Variants in TBCD observed in about 807,000 individuals in gnomAD.
The protein encoded by TBCD is tubulin folding cofactor D.
In TBCD, 105 loss-of-function variants were observed where a neutral mutation model predicts 169.3. The ratio of observed to expected loss-of-function variants is 0.62; its 90% CI spans 0.53 to 0.73. TBCD has a LOEUF of 0.73. TBCD is among the 30% of genes least tolerant of loss of function. The pLI, the probability that TBCD is intolerant of heterozygous loss-of-function variation, is 0.00. For synonymous variants in TBCD, 700 were observed against 643.9 expected (o/e 1.09, Z -1.32); for missense variants, 1,444 against 1,600.1 (o/e 0.90, Z 1.66).
At chr17:82,936,333 G>T (rs1167843384) in intron 34 of TBCD, among the ~76,000 whole-genome samples, 1 of 152,176 alleles carries the variant, frequency 6.6e-6, no homozygotes, top group African/African-American at 2.4e-5. Flanking sequence ...TTTGTCTCGC[G>T]TGTTTCCACG....
At chr17:82,879,348 G>T (rs937331457) in intron 14 of TBCD, among the ~76,000 whole-genome samples, 4 of 151,926 alleles carry the variant, frequency 2.6e-5, no homozygotes, top group Admixed American at 2.6e-4. Flanking sequence ...CTCCCTTCGT[G>T]TGCCGCTTCT....
chr17:82,820,198 G>GAACTCCTGACCTCA (rs2052299114), intron 13 of TBCD, among the ~76,000 whole-genome samples: 1 of 152,184 alleles, frequency 6.6e-6, no homozygotes, highest in African/African-American at 2.4e-5. Flanking sequence ...GGCTGGTCTC[G>GAACTCCTGACCTCA]AACTCCTGAC....
At chr17:82,821,998 T>A (rs1234148430) in intron 13 of TBCD, among the ~76,000 whole-genome samples, 1 of 152,252 alleles carries the variant, frequency 6.6e-6, no homozygotes, top group African/African-American at 2.4e-5. Flanking sequence ...CTCTCAGTGT[T>A]CATCGAAGAC....
chr17:82,891,669 T>A (rs1209183204), intron 16 of TBCD, among the ~76,000 whole-genome samples: 1 of 151,980 alleles, frequency 6.6e-6, no homozygotes, highest in Non-Finnish European at 1.5e-5. Flanking sequence ...AATACACAGA[T>A]TTGGAATGAA....
chr17:82,783,591 CAG>C (rs2144335713), intron 7 of TBCD, among the ~76,000 whole-genome samples: 1 of 152,312 alleles, frequency 6.6e-6, no homozygotes, highest in South Asian at 2.1e-4. Flanking sequence ...CTCACCTCAC[CAG>C]AGTCGTACAC....
chr17:82,940,349 C>T (rs1291962602), intron 37 of TBCD, among the ~76,000 whole-genome samples: 1 of 152,126 alleles, frequency 6.6e-6, no homozygotes, highest in African/African-American at 2.4e-5. Context: ...TGGTGGAGTC[C>T]CAGGTGTCCT....
In TBCD at chr17:82,874,866, C is replaced by T. The variant is rs549740381; in HGVS notation, c.1475+4486C>T. ...GCTTTTATGCCCGTCAATTTGGGAA[C>T]GTGATACAATCTTGATTTCTCTAAC... On this transcript the variant is annotated intron_variant, in intron 14 of 38. Transcript: ENST00000355528. The surrounding 1 kb of genome is among the most constrained non-coding windows in gnomAD (Gnocchi z 5.0). Among the ~76,000 whole-genome samples the T allele has an allele frequency of 1.3e-4, 20 of 152,304 alleles. No individual in the cohort carries two copies. In the South Asian group the frequency reaches 1.5e-3, roughly 11 times the overall value.
chr17:82,762,394 C>T (rs2047811981), intron 2 of TBCD, among the ~76,000 whole-genome samples: 1 of 148,696 alleles, frequency 6.7e-6, no homozygotes, highest in Admixed American at 6.7e-5. Context: ...GTTTTATTTT[C>T]TCTTGGGAAA....
chr17:82,870,772 G>A (rs889207137), intron 14 of TBCD, among the ~76,000 whole-genome samples: 3 of 152,274 alleles, frequency 2.0e-5, no homozygotes. Context: ...AATCGCCTGT[G>A]CGTGCTCCCT....
chr17:82,927,881 C>T (rs775494238), intron 29 of TBCD, 24 bp from the exon 30 acceptor site: 10 of 1,608,902 alleles, frequency 6.2e-6, no homozygotes, highest in Non-Finnish European at 8.5e-6. Context: ...AGCTGGGTGT[C>T]TCTGCCTCTC....
intron 19 of TBCD, among the ~76,000 whole-genome samples, chr17:82,904,650 T>TC (rs2146761775): frequency 6.6e-6 from 1 of 152,250 alleles, no homozygotes; most frequent in African/African-American, 2.4e-5. Context: ...GTACCGTCAC[T>TC]CCCCCGACAT....
chr17:82,936,026 G>T (rs950295331), intron 34 of TBCD, among the ~76,000 whole-genome samples: 2 of 152,224 alleles, frequency 1.3e-5, no homozygotes, highest in Non-Finnish European at 2.9e-5. Flanking sequence ...CCTTGCTTCT[G>T]TTGTTGCTTT....
In TBCD at chr17:82,923,979, C is replaced by G. The variant is rs990384958; in HGVS notation, c.2260+246C>G. On this transcript the variant is annotated intron_variant, in intron 26 of 38. Transcript: ENST00000355528. This position sits in a 1 kb window ranked among gnomAD's most constrained non-coding sequence, Gnocchi z 4.6. ...CAGGGACGCGTCTCTGTTGACGGCACCCTCTTGCTCCATCACCCAGGCTGG... is the reference window on the plus strand; with the variant it reads ...CAGGGACGCGTCTCTGTTGACGGCAGCCTCTTGCTCCATCACCCAGGCTGG... 1.3e-5 allele frequency among the ~76,000 whole-genome samples: 2 copies of G among 152,108 alleles called. No individual in the cohort carries two copies. The highest frequency in any genetic ancestry group is 2.9e-5 in the Non-Finnish European group (2 of 68,018).
chr17:82,917,019 C>CTTTTTTTTTTTTTTTTTTTTTTTTTT lies in TBCD; in HGVS notation c.2039-3533_2039-3532insTTTTTTTTTTTTTTTTTTTTTTTTTT, dbSNP rs59331670. On this transcript the variant is annotated intron_variant, in intron 23 of 38. Coordinates refer to ENST00000355528, the MANE Select transcript of TBCD (RefSeq NM_005993.5). ...CAGTTTGGACTTTTTTTTTTCTTTT[C>CTTTTTTTTTTTTTTTTTTTTTTTTTT]TTTTCTTTTTTTTTTTTTTGAGTTG... Among the ~76,000 whole-genome samples the CTTTTTTTTTTTTTTTTTTTTTTTTTT allele has an allele frequency of 4.6e-5, 5 of 108,518 alleles. 1 individual carries two copies. Among genetic ancestry groups the CTTTTTTTTTTTTTTTTTTTTTTTTTT allele is most frequent in the Non-Finnish European group, 5.4e-5 (3 of 55,460 alleles). The allele number at this position is 108,518 out of a possible 152,430, so 71.2% of individuals were successfully genotyped here. A position where few individuals can be genotyped will look rare whatever the true frequency, so the allele number is the denominator to read the frequency against.
At position 82,929,681 on chromosome 17, in the gene TBCD, G is replaced by C. The variant is rs946678978; in HGVS notation, c.2991+181G>C. 8 of 849,236 alleles carry C rather than the reference G, an allele frequency of 9.4e-6. No individual in the cohort carries two copies. The Admixed American group carries it at 1.4e-4, about 15-fold the overall frequency. The allele number at this position is 849,236 out of a possible 1,614,324, so 52.6% of individuals were successfully genotyped here. ...TTCCTCATGACCCAGGAGGCTTAGG[G>C]CCTGTGGGATGGTTGAGTCTGATGA... On this transcript the variant is annotated intron_variant, in intron 32 of 38. Coordinates refer to ENST00000355528, the MANE Select transcript of TBCD (RefSeq NM_005993.5).
intron 15 of TBCD, among the ~76,000 whole-genome samples, chr17:82,887,606 A>G (rs2058846704): frequency 6.6e-6 from 1 of 152,106 alleles, no homozygotes; most frequent in South Asian, 2.1e-4. Flanking sequence ...GTGTGAGTGT[A>G]ACTTCCATTT....
Position 82,942,745 on chromosome 17 carries a change from G to A in TBCD, c.*282G>A. On this transcript the variant is annotated 3_prime_UTR_variant, in exon 39 of 39. Transcript: ENST00000355528. ...CTCTGAGCCTGATGTGTGTAGGGGT[G>A]ATGGAAAGGCTCACTGCCCAGGGGT... 1 of 521,386 alleles carries A rather than the reference G, an allele frequency of 1.9e-6. No individual in the cohort carries two copies. The highest frequency in any genetic ancestry group is 2.6e-5 in the South Asian group (1 of 37,906). The allele number at this position is 521,386 out of a possible 1,614,324, so 32.3% of individuals were successfully genotyped here.
At chr17:82,937,135 A>C in intron 34 of TBCD, 136 bp from the exon 35 acceptor site, 1 of 704,474 alleles carries the variant, frequency 1.4e-6, no homozygotes, top group Non-Finnish European at 2.4e-6. Flanking sequence ...ACTTGCTGGC[A>C]GAGGGGCCTC....
chr17:82,876,642 T>G (rs1298207133), intron 14 of TBCD, among the ~76,000 whole-genome samples: 1 of 152,260 alleles, frequency 6.6e-6, no homozygotes, highest in African/African-American at 2.4e-5. Context: ...TTGTTGTAAG[T>G]CCATATATAG....
Sources: gnomAD v4.1 joint callset for allele counts (sites outside exome capture counted in the v4.1 genomes callset) on GRCh38, gnomAD v4.1.1 for gene constraint, Gnocchi (gnomAD v3.1) non-coding constraint, MANE v1.5 for transcripts, NCBI Gene and HGNC (gene_info 2026-07-23, HGNC 2026-07-21) for gene names.